ZNF334: variants seen among roughly 807,000 people sequenced by gnomAD.
ZNF334 encodes zinc finger protein 334.
ZNF334 carries 14 observed loss-of-function variants against 12.4 expected under a neutral mutation model. The ratio of observed to expected loss-of-function variants is 1.13; its 90% confidence interval spans 0.74 to 1.76. The LOEUF (loss-of-function observed/expected upper bound fraction) is 1.76. Ranked by LOEUF, ZNF334 falls within the 40% of genes most tolerant of loss-of-function variation. The pLI is 0.00. For missense variants in ZNF334, 797 were observed against 804.5 expected (o/e 0.99, Z 0.11); for synonymous variants, 273 against 269.6 (o/e 1.01, Z -0.12).
At chr20:46,477,195 G>A in the ZNF334 span, 1 of 152,182 alleles carries the variant, frequency 6.6e-6, no homozygotes, top group East Asian at 1.9e-4. Flanking sequence ...AGATTAAAAT[G>A]TGAAAAATAG....
At chr20:46,504,851 T>C (rs2061376458) in intron 2 of ZNF334, 111 bp from the exon 3 acceptor site, 2 of 957,194 alleles carry the variant, frequency 2.1e-6, no homozygotes, top group Admixed American at 2.8e-5. Flanking sequence ...TATAGAGAGA[T>C]GTAATTGTGG....
rs1443135837 is a variant in ZNF334, at chr20:46,500,655, A to AC, written c.*640dup. The AC allele has an allele frequency of 6.6e-6, 1 of 152,222 alleles. No homozygotes were observed. The highest frequency in any genetic ancestry group is 1.5e-5 in the Non-Finnish European group (1 of 68,048). The allele number at this position is 152,222 out of a possible 1,614,324, so 9.4% of individuals were successfully genotyped here. On this transcript the variant is annotated 3_prime_UTR_variant, in exon 5 of 5. Coordinates refer to ENST00000692313, the MANE Select transcript of ZNF334 (RefSeq NM_001353824.2). The stretch of plus-strand genomic sequence containing the variant: ...TTAGCTGAAAGCTTCAGGATCATGA[A>AC]CTAGTTATCCTGTGCCTATCTTCCA...
the ZNF334 span, among the ~76,000 whole-genome samples, chr20:46,467,271 C>A: frequency 0.28 from 42,744 of 152,022 alleles, 7,328 homozygotes; most frequent in African/African-American, 0.49. Flanking sequence ...AATGCACTTT[C>A]CACACAAAAA....
chr20:46,478,971 T>C, the ZNF334 span, among the ~76,000 whole-genome samples: 3 of 152,224 alleles, frequency 2.0e-5, no homozygotes, highest in South Asian at 2.1e-4. Context: ...GTCCTCACCC[T>C]GTGCTCACCT....
the ZNF334 span, chr20:46,491,270 A>G: frequency 6.5e-6 from 1 of 152,916 alleles, no homozygotes; most frequent in Admixed American, 6.5e-5. Flanking sequence ...TGTTGGCAAC[A>G]GAGTAAACCT....
chr20:46,478,811 G>A, the ZNF334 span, among the ~76,000 whole-genome samples: 2 of 152,164 alleles, frequency 1.3e-5, no homozygotes, highest in African/African-American at 4.8e-5. Flanking sequence ...GGGCCCTGCT[G>A]GCTTCTGTAG....
chr20:46,510,231 T>C (rs148769251), intron 2 of ZNF334, among the ~76,000 whole-genome samples: 1 of 152,086 alleles, frequency 6.6e-6, no homozygotes, highest in East Asian at 1.9e-4. Flanking sequence ...AATTGGTCAG[T>C]GTGAAGAACA....
At chr20:46,477,980 C>T in the ZNF334 span, among the ~76,000 whole-genome samples, 1 of 152,280 alleles carries the variant, frequency 6.6e-6, no homozygotes, top group East Asian at 1.9e-4. Context: ...ATGTTTAAAA[C>T]AGACTATTCT....
downstream of ZNF334, among the ~76,000 whole-genome samples, chr20:46,496,429 T>C (rs568837970): frequency 2.6e-5 from 4 of 152,216 alleles, no homozygotes; most frequent in East Asian, 3.9e-4. Flanking sequence ...TGAAAGAAAA[T>C]TGAATGAAGA....
chr20:46,498,950 G>A (rs555817823), downstream of ZNF334, among the ~76,000 whole-genome samples: 749 of 151,942 alleles, frequency 4.9e-3, 7 homozygotes, highest in African/African-American at 0.017. Context: ...CGAGGCGGGC[G>A]GATCACGAGG....
At chr20:46,496,038 C>T (rs1183016825), downstream of ZNF334, among the ~76,000 whole-genome samples, 2 of 152,196 alleles carry the variant, frequency 1.3e-5, no homozygotes, top group Non-Finnish European at 2.9e-5. Context: ...CCTGAAGCCA[C>T]TTCAGGTCTA....
Position 46,500,956 on chromosome 20 carries a change from C to T in ZNF334, c.*340G>A, listed in dbSNP as rs189627417. Reference sequence around the variant, plus strand: ...AAATGAAGGTCAGATCCTCACACCTCGTAACATACACTATCAAGTAACACT... The same window carrying T: ...AAATGAAGGTCAGATCCTCACACCTTGTAACATACACTATCAAGTAACACT... On this transcript the variant is annotated 3_prime_UTR_variant, in exon 5 of 5. Coordinates refer to ENST00000692313, the MANE Select transcript of ZNF334 (RefSeq NM_001353824.2). The T allele has an allele frequency of 9.7e-5, 22 of 227,904 alleles. No individual in the cohort carries two copies. The highest frequency in any genetic ancestry group is 9.3e-4 in the East Asian group (9 of 9,694). 14.1% of individuals were successfully genotyped at this position (227,904 alleles called of 1,614,324 possible).
At chr20:46,497,142 C>T (rs981878547), downstream of ZNF334, among the ~76,000 whole-genome samples, 6 of 152,136 alleles carry the variant, frequency 3.9e-5, no homozygotes, top group African/African-American at 7.2e-5. Context: ...GCTCTAGCTG[C>T]GGAAGAGGGC....
chr20:46,504,796 G>A, intron 2 of ZNF334, 56 bp from the exon 3 acceptor site: 1 of 1,513,898 alleles, frequency 6.6e-7, no homozygotes, highest in Admixed American at 1.9e-5. Flanking sequence ...CAAATGTATG[G>A]TAACATAAAC....
chr20:46,474,197 AC>A, the ZNF334 span, among the ~76,000 whole-genome samples: 1 of 152,018 alleles, frequency 6.6e-6, no homozygotes, highest in African/African-American at 2.4e-5. Context: ...ACATGGCGAA[AC>A]CCCGTCTCTA....
At chr20:46,504,081 C>T (rs1054032931) in intron 4 of ZNF334, 133 bp downstream of exon 4, 4 of 493,714 alleles carry the variant, frequency 8.1e-6, no homozygotes, top group Non-Finnish European at 1.1e-5. Flanking sequence ...AGTTAATCAA[C>T]CTCAATCACT....
rs1639103092 is a variant in ZNF334, at chr20:46,502,274, T to A, written c.1065A>T (p.Gly355=). 1 of 1,613,956 alleles carries A rather than the reference T, an allele frequency of 6.2e-7. No homozygotes were observed. Residue 355 remains glycine (G), a synonymous_variant, in exon 5 of 5, where the codon GGA becomes GGT. Transcript: ENST00000692313. ...GATACGATTTCTTGCTGAAGGCATT[T>A]CCACATTCCTTGCATTCGTAAGGCT... ...GEKPYECKEC[G]NAFSKKSYLV...
Position 46,502,760 on chromosome 20 carries a change from G to A in ZNF334, c.579C>T (p.Asn193=), listed in dbSNP as rs888062195. The part of the protein sequence containing the change: ...YNPMRKASNQ[N]ENLILHQNIQ... ...TGTTCTGGTGCAGAATAAGATTTTC[G>A]TTTTGATTGCTGGCTTTCCTCATTG... Residue 193 remains asparagine, a synonymous_variant, in exon 5 of 5, where the codon AAC becomes AAT. Coordinates refer to ENST00000692313, the MANE Select transcript of ZNF334 (RefSeq NM_001353824.2). 23 of 1,613,678 alleles carry A rather than the reference G, an allele frequency of 1.4e-5. No individual in the cohort carries two copies. Among genetic ancestry groups the A allele is most frequent in the Middle Eastern group, 3.3e-4 (2 of 6,084 alleles).
chr20:46,478,249 T>G, the ZNF334 span, among the ~76,000 whole-genome samples: 1 of 152,198 alleles, frequency 6.6e-6, no homozygotes. Context: ...AGGCTACAAC[T>G]TGGTTTTATA....
Sources: allele counts gnomAD v4.1 joint callset (sites outside exome capture counted in the v4.1 genomes callset), GRCh38; gene constraint gnomAD v4.1.1; transcripts MANE v1.5; gene names NCBI Gene and HGNC (gene_info 2026-07-23, HGNC 2026-07-21).